ANKS1B: variants seen among roughly 807,000 people sequenced by gnomAD.
ANKS1B encodes ankyrin repeat and sterile alpha motif domain-containing protein 1B.
A neutral mutation model predicts 148.3 loss-of-function variants in ANKS1B; 36 were observed. The ratio of observed to expected loss-of-function variants is 0.24; its 90% CI spans 0.19 to 0.32. The LOEUF (loss-of-function observed/expected upper bound fraction) is 0.32, where lower values mean the gene tolerates loss of function less well. Among genes scored for constraint, ANKS1B ranks in the 10% least tolerant of loss-of-function variants. The pLI is 1.00. For synonymous variants in ANKS1B, 542 were observed against 560.8 expected (o/e 0.97, Z 0.47); for missense variants, 1,157 against 1,542.6 (o/e 0.75, Z 4.19).
chr12:99,795,781 T>C (rs1186719651), intron 4 of ANKS1B, among the ~76,000 whole-genome samples: 3 of 151,986 alleles, frequency 2.0e-5, no homozygotes, highest in African/African-American at 7.2e-5. Context: ...CAATCAGAAT[T>C]CATTTCTGTT....
chr12:99,874,112 T>A (rs2091844354), intron 1 of ANKS1B, among the ~76,000 whole-genome samples: 1 of 151,520 alleles, frequency 6.6e-6, no homozygotes, highest in Non-Finnish European at 1.5e-5. Flanking sequence ...TAGAAAACAC[T>A]ACCTACCTTT....
intron 8 of ANKS1B, among the ~76,000 whole-genome samples, chr12:99,742,555 C>T (rs1172344882): frequency 6.6e-6 from 1 of 151,256 alleles, no homozygotes; most frequent in Non-Finnish European, 1.5e-5. Flanking sequence ...TAGAATTTGG[C>T]TGGGTGCAGT....
rs367561702 is a variant in ANKS1B at position 99,172,997 on chromosome 12, AG to A, written c.2420-18603del. Among the ~76,000 whole-genome samples, 800 of 152,278 alleles carry A rather than the reference AG, an allele frequency of 5.3e-3. 21 individuals are homozygous for A. Among genetic ancestry groups the A allele is most frequent in the East Asian group, 0.011 (57 of 5,176 alleles). On this transcript the variant is annotated intron_variant, in intron 14 of 26. Coordinates refer to ENST00000683438, the MANE Select transcript of ANKS1B (RefSeq NM_001352186.2). ...CCTGAATCAGAAACAAATTTCAAAT[AG>A]TCACCTCTCTGAATAAGTTAGGTAC...
chr12:99,982,614 T>C (rs61941608), intron 1 of ANKS1B, among the ~76,000 whole-genome samples: 28,707 of 152,104 alleles, frequency 0.19, 2,987 homozygotes, highest in African/African-American at 0.25. Flanking sequence ...AAGAGATAAA[T>C]TGCTTTCACA....
At chr12:99,909,564 G>A (rs2093925416) in intron 1 of ANKS1B, among the ~76,000 whole-genome samples, 1 of 151,972 alleles carries the variant, frequency 6.6e-6, no homozygotes, top group Non-Finnish European at 1.5e-5. Flanking sequence ...GTTTATTTCT[G>A]AACTCTCTAT....
At chr12:99,565,489 T>C (rs537185887) in intron 9 of ANKS1B, among the ~76,000 whole-genome samples, 1 of 152,196 alleles carries the variant, frequency 6.6e-6, no homozygotes, top group East Asian at 1.9e-4. Context: ...GTCACAGGGG[T>C]CACTGTTTCA....
chr12:99,858,988 C>CATAA lies in ANKS1B; in HGVS notation c.135-33603_135-33600dup, dbSNP rs545561106. Among the ~76,000 whole-genome samples, 272 of 152,124 alleles carry CATAA rather than the reference C, an allele frequency of 1.8e-3. 2 individuals carry two copies. Among genetic ancestry groups the CATAA allele is most frequent in the Non-Finnish European group, 3.0e-3 (202 of 67,994 alleles). Reference sequence around the variant, plus strand: ...CTCCACTGAAGAACTTATTCATGCACATAAATAAATAAATAATAAAAGAAA... The same window carrying CATAA: ...CTCCACTGAAGAACTTATTCATGCACATAAATAAATAAATAAATAATAAAAGAAA... On this transcript the variant is annotated intron_variant, in intron 1 of 26. Coordinates refer to ENST00000683438, the MANE Select transcript of ANKS1B (RefSeq NM_001352186.2).
Position 99,090,079 on chromosome 12 carries a change from C to T in ANKS1B, c.2527-5056G>A, listed in dbSNP as rs930614801. 4.6e-5 allele frequency among the ~76,000 whole-genome samples: 7 copies of T among 152,232 alleles called. No individual in the cohort carries two copies. The South Asian group carries it at 6.2e-4, about 14-fold the overall frequency. ...CTGAAAGTGGAAGTTTCTTTGACCA[C>T]GGGGAGAATATCTTAGGTACTGAAC... On this transcript the variant is annotated intron_variant, in intron 15 of 26. Coordinates refer to ENST00000683438, the MANE Select transcript of ANKS1B (RefSeq NM_001352186.2).
intron 25 of ANKS1B, among the ~76,000 whole-genome samples, chr12:98,761,492 G>A (rs1412139288): frequency 6.6e-6 from 1 of 152,168 alleles, no homozygotes; most frequent in Non-Finnish European, 1.5e-5. Flanking sequence ...GCTAGAGAGA[G>A]CCCAGCTCCC....
intron 12 of ANKS1B, among the ~76,000 whole-genome samples, chr12:99,270,318 G>C (rs1440714719): frequency 6.6e-6 from 1 of 152,066 alleles, no homozygotes; most frequent in Admixed American, 6.5e-5. Flanking sequence ...CACCTCCTCA[G>C]AGAGGCCTAT....
intron 9 of ANKS1B, among the ~76,000 whole-genome samples, chr12:99,581,072 T>C (rs1006368560): frequency 6.6e-6 from 1 of 152,028 alleles, no homozygotes; most frequent in African/African-American, 2.4e-5. Context: ...CTAAGATAAA[T>C]AAGGAAACGC....
At chr12:99,746,693 G>C (rs914275024) in intron 8 of ANKS1B, among the ~76,000 whole-genome samples, 3 of 152,122 alleles carry the variant, frequency 2.0e-5, no homozygotes, top group African/African-American at 7.2e-5. Context: ...ATGGATGGCT[G>C]TAAATGACTG....
chr12:99,571,919 C>T (rs1273683633), intron 9 of ANKS1B, among the ~76,000 whole-genome samples: 2 of 152,162 alleles, frequency 1.3e-5, no homozygotes, highest in East Asian at 3.9e-4. Context: ...TGGACTACCC[C>T]CCAAATAAAC....
chr12:99,717,111 T>G (rs2057430963), intron 8 of ANKS1B, among the ~76,000 whole-genome samples: 2 of 152,196 alleles, frequency 1.3e-5, no homozygotes, highest in South Asian at 4.1e-4. Context: ...AGTTCATGGC[T>G]CGTTTGGCAG....
intron 22 of ANKS1B, 134 bp downstream of exon 22, chr12:98,798,800 C>T: frequency 3.2e-6 from 2 of 618,562 alleles, no homozygotes; most frequent in Non-Finnish European, 5.3e-6. Flanking sequence ...GCAAGAGCAC[C>T]TTTTTATGTA....
intron 1 of ANKS1B, among the ~76,000 whole-genome samples, chr12:99,838,983 C>A (rs2153695619): frequency 6.6e-6 from 1 of 152,102 alleles, no homozygotes; most frequent in Admixed American, 6.6e-5. Context: ...TATTTAATTT[C>A]TATAGCTTTA....
rs192958607 is a variant in ANKS1B, at chr12:99,042,071, C to T, written c.2778+11086G>A. On this transcript the variant is annotated intron_variant, in intron 17 of 26. Transcript: ENST00000683438. ...CCCATAAAACACCAAAATAAAACAA[C>T]CCCCCCAAAATCTCTGGGGTGCACT... 1.1e-3 allele frequency among the ~76,000 whole-genome samples: 168 copies of T among 151,834 alleles called. 1 individual carries two copies. The highest frequency in any genetic ancestry group is 2.1e-3 in the Non-Finnish European group (139 of 67,790).
chr12:99,463,603 C>T lies in ANKS1B; in HGVS notation c.1439-19794G>A, dbSNP rs553829209. Among the ~76,000 whole-genome samples, 231 of 152,284 alleles carry T rather than the reference C, an allele frequency of 1.5e-3. 2 individuals are homozygous for T. Among genetic ancestry groups the T allele is most frequent in the Non-Finnish European group, 2.0e-3 (135 of 68,018 alleles). On this transcript the variant is annotated intron_variant, in intron 10 of 26. Coordinates refer to ENST00000683438, the MANE Select transcript of ANKS1B (RefSeq NM_001352186.2). ...CTCCCACCCTAATACTGCGCTTTTC[C>T]GACAGGCTTAAAAAACGGTGCACCA... is the stretch of plus-strand genomic sequence containing the variant.
chr12:99,842,304 A>T (rs2085875423), intron 1 of ANKS1B, among the ~76,000 whole-genome samples: 1 of 152,130 alleles, frequency 6.6e-6, no homozygotes. Flanking sequence ...GTCAGAAAAG[A>T]ATTCTTCAAC....
Sources: allele counts gnomAD v4.1 joint callset (sites outside exome capture counted in the v4.1 genomes callset), GRCh38; gene constraint gnomAD v4.1.1; transcripts MANE v1.5; gene names NCBI Gene and HGNC (gene_info 2026-07-23, HGNC 2026-07-21).